RBFOX1: variants seen among roughly 807,000 people sequenced by gnomAD.
The protein encoded by RBFOX1 is RNA binding fox-1 homolog 1.
Under a neutral mutation model 57.7 loss-of-function variants are expected in RBFOX1, and 8 were observed. The ratio of observed to expected loss-of-function variants is 0.14; its 90% confidence interval spans 0.08 to 0.25. The LOEUF (loss-of-function observed/expected upper bound fraction) is 0.25, where lower values mean the gene tolerates loss of function less well. Ranked by LOEUF, RBFOX1 falls within the 10% of genes least tolerant of loss-of-function variation. The pLI, the probability that RBFOX1 is intolerant of heterozygous loss-of-function variation, is 1.00. For missense variants in RBFOX1, 611 were observed against 548.5 expected (o/e 1.11, Z -1.14); for synonymous variants, 326 against 222.4 (o/e 1.47, Z -4.15).
At chr16:5,687,971 AT>A (rs1457381560) in intron 3 of RBFOX1, among the ~76,000 whole-genome samples, 1 of 152,102 alleles carries the variant, frequency 6.6e-6, no homozygotes, top group Admixed American at 6.5e-5. Context: ...CAGTTGTGTA[AT>A]TTTTCTTCTC....
At chr16:7,180,047 C>T (rs147639973) in intron 4 of RBFOX1, among the ~76,000 whole-genome samples, 178 of 152,152 alleles carry the variant, frequency 1.2e-3, no homozygotes, top group Non-Finnish European at 1.9e-3. Flanking sequence ...CCAGACCTTC[C>T]TAGATATTTT....
intron 4 of RBFOX1, among the ~76,000 whole-genome samples, chr16:7,430,440 TCA>T (rs2098667783): frequency 6.6e-6 from 1 of 152,070 alleles, no homozygotes; most frequent in African/African-American, 2.4e-5. Context: ...GGCAGGCAGA[TCA>T]CAAGGTGAGG....
At chr16:6,180,726 C>G (rs889290978) in intron 1 of RBFOX1, among the ~76,000 whole-genome samples, 2 of 151,852 alleles carry the variant, frequency 1.3e-5, no homozygotes, top group Admixed American at 6.6e-5. Context: ...CCACCACACC[C>G]AGCTAATTTT....
At chr16:6,006,170 A>T (rs932906270) in intron 4 of RBFOX1, among the ~76,000 whole-genome samples, 1 of 152,174 alleles carries the variant, frequency 6.6e-6, no homozygotes. Flanking sequence ...TGGTAATAGC[A>T]CCCGGTTTCC....
At chr16:7,226,386 G>A (rs922664969) in intron 4 of RBFOX1, among the ~76,000 whole-genome samples, 1 of 152,204 alleles carries the variant, frequency 6.6e-6, no homozygotes. Flanking sequence ...TCCAGCAGGT[G>A]TAAGGGACTA....
chr16:6,209,187 T>C (rs76749939), intron 1 of RBFOX1, among the ~76,000 whole-genome samples: 16,431 of 152,246 alleles, frequency 0.11, 1,097 homozygotes, highest in East Asian at 0.26. Flanking sequence ...GTAGGGAGTT[T>C]GGTTGGTGTG....
At chr16:7,138,593 C>T (rs999394325) in intron 4 of RBFOX1, among the ~76,000 whole-genome samples, 1 of 152,162 alleles carries the variant, frequency 6.6e-6, no homozygotes, top group Non-Finnish European at 1.5e-5. Context: ...TCCTTCATGG[C>T]CAGGAAATGT....
chr16:6,884,772 C>T (rs891074031), intron 3 of RBFOX1, among the ~76,000 whole-genome samples: 5 of 152,082 alleles, frequency 3.3e-5, no homozygotes, highest in African/African-American at 1.2e-4. Context: ...ATGGCACATA[C>T]CTGCAGTCCC....
At chr16:7,694,965 TATTG>T (rs1479648212) in intron 14 of RBFOX1, among the ~76,000 whole-genome samples, 2 of 152,200 alleles carry the variant, frequency 1.3e-5, no homozygotes, top group Admixed American at 6.5e-5. Flanking sequence ...ATGAAAAAGA[TATTG>T]ATTTTGCCCC....
intron 3 of RBFOX1, among the ~76,000 whole-genome samples, chr16:6,934,895 A>C (rs779243347): frequency 6.6e-6 from 1 of 152,060 alleles, no homozygotes; most frequent in African/African-American, 2.4e-5. Context: ...AGACTAGCCT[A>C]GGCAACATGG....
chr16:6,098,729 C>A (rs921836126), intron 1 of RBFOX1, among the ~76,000 whole-genome samples: 14 of 152,202 alleles, frequency 9.2e-5, no homozygotes, highest in African/African-American at 2.7e-4. Context: ...CCAGACACCA[C>A]ATCCAGCTAA....
At chr16:5,996,711 T>C (rs13335835) in intron 4 of RBFOX1, among the ~76,000 whole-genome samples, 67,957 of 151,802 alleles carry the variant, frequency 0.45, 17,954 homozygotes, top group East Asian at 0.82. Context: ...GAGAGAACTG[T>C]GGGATTTAAC....
intron 12 of RBFOX1, among the ~76,000 whole-genome samples, chr16:7,659,833 C>CT (rs1412299920): frequency 1.3e-5 from 2 of 151,956 alleles, no homozygotes; most frequent in African/African-American, 4.8e-5. Flanking sequence ...TCTTTAAAGC[C>CT]TTTTTTTGGA....
At chr16:7,709,889 C>G in intron 15 of RBFOX1, 2 of 1,089,524 alleles carry the variant, frequency 1.8e-6, no homozygotes, top group Non-Finnish European at 2.2e-6. Context: ...CATTACAAAG[C>G]TTTGGCATGC....
chr16:5,945,451 A>G (rs535915841), intron 4 of RBFOX1, among the ~76,000 whole-genome samples: 5 of 152,210 alleles, frequency 3.3e-5, no homozygotes, highest in African/African-American at 9.7e-5. Context: ...AGATCTAGAG[A>G]TGATAACATC....
intron 2 of RBFOX1, among the ~76,000 whole-genome samples, chr16:5,549,943 T>C (rs949358284): frequency 1.3e-5 from 2 of 152,176 alleles, no homozygotes; most frequent in African/African-American, 2.4e-5. Context: ...GATGTTTGCA[T>C]GTGTATGTGT....
intron 10 of RBFOX1, among the ~76,000 whole-genome samples, chr16:7,610,466 TAAAAG>T (rs761010480): frequency 8.3e-4 from 126 of 152,028 alleles, no homozygotes; most frequent in African/African-American, 2.4e-3. Flanking sequence ...ACCAGTGAAA[TAAAAG>T]AAGAGAGGTA....
At chr16:6,922,035 C>T (rs2074569833) in intron 3 of RBFOX1, among the ~76,000 whole-genome samples, 1 of 152,156 alleles carries the variant, frequency 6.6e-6, no homozygotes, top group Non-Finnish European at 1.5e-5. Flanking sequence ...TATATAACTG[C>T]TGTTACCAAC....
At chr16:6,995,500 C>T (rs922974026) in intron 3 of RBFOX1, among the ~76,000 whole-genome samples, 6 of 152,074 alleles carry the variant, frequency 3.9e-5, no homozygotes, top group Non-Finnish European at 5.9e-5. Flanking sequence ...TGTGGTGGCT[C>T]ACGCATGTAA....
Sources: allele counts gnomAD v4.1 joint callset (sites outside exome capture counted in the v4.1 genomes callset), GRCh38; gene constraint gnomAD v4.1.1; transcripts MANE v1.5; gene names NCBI Gene and HGNC (gene_info 2026-07-23, HGNC 2026-07-21).